The following EPS15L1 variants were observed in gnomAD, a reference collection of about 807,000 sequenced individuals.
EPS15L1 encodes the protein epidermal growth factor receptor pathway substrate 15 like 1.
EPS15L1 carries 43 observed loss-of-function variants against 117.1 expected under a neutral mutation model. The ratio of observed to expected loss-of-function variants is 0.37; its 90% CI spans 0.29 to 0.47. The LOEUF (loss-of-function observed/expected upper bound fraction) is 0.47. Among genes scored for constraint, EPS15L1 ranks in the 20% least tolerant of loss-of-function variants. The probability of loss-of-function intolerance (pLI) is 0.99; values close to 1 mark genes in which losing one functional copy is unlikely to be tolerated. For missense variants in EPS15L1, 981 were observed against 1,164.0 expected, an observed-to-expected ratio of 0.84 and a Z score of 2.29; for synonymous variants, 459 against 470.5, an observed-to-expected ratio of 0.98 and a Z score of 0.32.
intron 1 of EPS15L1, among the ~76,000 whole-genome samples, chr19:16,469,962 T>G (rs532656993): frequency 6.6e-6 from 1 of 152,296 alleles, no homozygotes; most frequent in Admixed American, 6.5e-5. Flanking sequence ...GGGCCAACAG[T>G]AACCCATGGT....
chr19:16,385,114 G>T lies in EPS15L1; in HGVS notation c.2247+15C>A. On this transcript the variant is annotated intron_variant, in intron 21 of 23. Coordinates refer to ENST00000455140, the MANE Select transcript of EPS15L1 (RefSeq NM_001258374.3). ...ACACTAGCAGAGGCGCGGGGGCTCC[G>T]TGGAGGGGCTTTACCTTGGACATCT... 1 of 1,611,268 alleles carries T rather than the reference G, an allele frequency of 6.2e-7. No homozygotes were observed.
intron 1 of EPS15L1, among the ~76,000 whole-genome samples, chr19:16,446,082 G>C (rs955667191): frequency 6.6e-5 from 10 of 152,222 alleles, no homozygotes; most frequent in Non-Finnish European, 1.3e-4. Flanking sequence ...TTACAAGTGG[G>C]ATGACAGAGA....
At chr19:16,413,041 C>T (rs944971445) in intron 13 of EPS15L1, 6 of 732,486 alleles carry the variant, frequency 8.2e-6, no homozygotes, top group Admixed American at 4.0e-5. Context: ...CAGAAACAGA[C>T]CCGCGCCGGC....
chr19:16,471,544 C>A lies in EPS15L1; in HGVS notation c.33+369G>T, dbSNP rs1480898071. Reference sequence around the variant, plus strand: ...CGCCGGGACCGGAGGGAGACAAAGACTCGCTGGGCCGCCGCGCCGACAGAA... The same window carrying A: ...CGCCGGGACCGGAGGGAGACAAAGAATCGCTGGGCCGCCGCGCCGACAGAA... On this transcript the variant is annotated intron_variant, in intron 1 of 23. Coordinates refer to ENST00000455140, the MANE Select transcript of EPS15L1 (RefSeq NM_001258374.3). The surrounding 1 kb of genome is among the most constrained non-coding windows in gnomAD (Gnocchi z 4.8). Among the ~76,000 whole-genome samples, 1 of 152,128 alleles carries A rather than the reference C, an allele frequency of 6.6e-6. No homozygotes were observed. The highest frequency in any genetic ancestry group is 1.5e-5 in the Non-Finnish European group (1 of 68,006).
intron 23 of EPS15L1, among the ~76,000 whole-genome samples, chr19:16,359,985 G>A (rs1311391800): frequency 2.6e-5 from 4 of 151,502 alleles, no homozygotes; most frequent in Non-Finnish European, 4.4e-5. Context: ...AATGGCTGGC[G>A]CTATTTTAAA....
chr19:16,396,999 G>A (rs933116355), intron 16 of EPS15L1, among the ~76,000 whole-genome samples: 4 of 152,154 alleles, frequency 2.6e-5, no homozygotes, highest in African/African-American at 9.7e-5. Flanking sequence ...TTCTAGAGCT[G>A]GGTTCCACAA....
intron 3 of EPS15L1, chr19:16,441,388 C>T (rs896833569): frequency 9.2e-5 from 18 of 195,838 alleles, no homozygotes; most frequent in African/African-American, 4.0e-4. Flanking sequence ...AGGAGAATGG[C>T]GTGAACCCAG....
chr19:16,395,347 T>C lies in EPS15L1; in HGVS notation c.1912A>G (p.Lys638Glu). 6.2e-7 allele frequency: 1 copy of C among 1,613,536 alleles called. No homozygotes were observed. Among genetic ancestry groups the C allele is most frequent in the Non-Finnish European group, 8.5e-7 (1 of 1,179,712 alleles). The change falls in exon 17 of 24, where the codon AAA becomes GAA. Residue 638 changes from lysine to glutamate, a missense_variant. Physicochemically the swap from Lys to Glu is moderately conservative, Grantham distance 56 (BLOSUM62 1). This residue lies in a region of EPS15L1 where 819 missense variants were observed against 949.0 expected (regional missense o/e 0.86). Coordinates refer to ENST00000455140, the MANE Select transcript of EPS15L1 (RefSeq NM_001258374.3). ...AAGTGGGTAGCAAGTGAGATACCTT[T>C]GAAGGGGTCAGCTCCTTTAAATGGG... ...SDPFKGADPF[K>E]GDPFQNDPFA...
At chr19:16,421,858 C>A (rs976022562) in intron 9 of EPS15L1, among the ~76,000 whole-genome samples, 1 of 152,182 alleles carries the variant, frequency 6.6e-6, no homozygotes, top group Admixed American at 6.5e-5. Context: ...AGAACCGGCC[C>A]GGCCACATGC....
rs967870866 is a variant in EPS15L1, at chr19:16,392,210, C to G, written c.2103+94G>C. 4.6e-5 allele frequency: 65 copies of G among 1,417,570 alleles called. 1 individual carries two copies. The South Asian group carries it at 7.2e-4, about 16-fold the overall frequency. 87.8% of individuals were successfully genotyped at this position (1,417,570 alleles called of 1,614,324 possible). ...GGCCCACACTCGCAGGCACCATGTACGCTCCACGAAGGGAAGGGGGCCTTC... is the reference window on the plus strand; with the variant it reads ...GGCCCACACTCGCAGGCACCATGTAGGCTCCACGAAGGGAAGGGGGCCTTC... On this transcript the variant is annotated intron_variant, in intron 19 of 23. Coordinates refer to ENST00000455140, the MANE Select transcript of EPS15L1 (RefSeq NM_001258374.3).
At chr19:16,425,007 G>T in intron 9 of EPS15L1, 76 bp downstream of exon 9, 2 of 1,233,468 alleles carry the variant, frequency 1.6e-6, no homozygotes, top group Non-Finnish European at 2.4e-6. Flanking sequence ...ACCGTTCTGG[G>T]GTTGCATGTT....
intron 19 of EPS15L1, among the ~76,000 whole-genome samples, chr19:16,391,091 T>C (rs1219125899): frequency 6.6e-6 from 1 of 152,156 alleles, no homozygotes; most frequent in Non-Finnish European, 1.5e-5. Context: ...AACTGTAAAT[T>C]GAACCATCGT....
intron 12 of EPS15L1, 52 bp downstream of exon 12, chr19:16,417,500 G>A (rs2144920988): frequency 1.4e-6 from 2 of 1,446,044 alleles, no homozygotes; most frequent in East Asian, 4.6e-5. Context: ...TAACAACCTG[G>A]GAGAGTTCGT....
At chr19:16,450,880 T>C in intron 1 of EPS15L1, among the ~76,000 whole-genome samples, 1 of 152,142 alleles carries the variant, frequency 6.6e-6, no homozygotes, top group East Asian at 1.9e-4. Context: ...GCCATCATCA[T>C]CAATATCCCA....
rs1599589189 is a variant in EPS15L1 at position 16,404,124 on chromosome 19, T to G, written c.1429-194A>C. ...ATAGAGACACAAATGAAAAGGCAGA[T>G]GGGCTCATCCCACTGTGGCTAACGG... On this transcript the variant is annotated intron_variant, in intron 14 of 23. Coordinates refer to ENST00000455140, the MANE Select transcript of EPS15L1 (RefSeq NM_001258374.3). This position sits in a 1 kb window ranked among gnomAD's most constrained non-coding sequence, Gnocchi z 4.2. Among the ~76,000 whole-genome samples the G allele has an allele frequency of 1.3e-5, 2 of 152,140 alleles. No homozygotes were observed. Among genetic ancestry groups the G allele is most frequent in the East Asian group, 3.9e-4 (2 of 5,192 alleles).
chr19:16,448,516 C>A lies in EPS15L1; in HGVS notation c.34-6297G>T, dbSNP rs1383624882. Among the ~76,000 whole-genome samples the A allele has an allele frequency of 9.5e-5, 12 of 126,318 alleles. No homozygotes were observed. The South Asian group carries it at 1.3e-3, about 14-fold the overall frequency. The allele number at this position is 126,318 out of a possible 152,430, so 82.9% of individuals were successfully genotyped here. A position where few individuals can be genotyped will look rare whatever the true frequency, so the allele number is the denominator to read the frequency against. On this transcript the variant is annotated intron_variant, in intron 1 of 23. Coordinates refer to ENST00000455140, the MANE Select transcript of EPS15L1 (RefSeq NM_001258374.3). ...TTGCACCATTGCACTCCAGCCTGGG[C>A]AATAAGAGCAAAATTCCGTATTAAA...
intron 21 of EPS15L1, among the ~76,000 whole-genome samples, chr19:16,382,207 GGCACTGCCTCC>G (rs1353626714): frequency 6.6e-6 from 1 of 152,204 alleles, no homozygotes; most frequent in Non-Finnish European, 1.5e-5. Context: ...ATAAACGCCT[GGCACTGCCTCC>G]GCAGTGAATC....
intron 16 of EPS15L1, 177 bp downstream of exon 16, chr19:16,402,144 C>A: frequency 7.3e-7 from 1 of 1,370,636 alleles, no homozygotes; most frequent in South Asian, 1.8e-5. Flanking sequence ...GCATGGCCAC[C>A]TGTGCCAGGC....
At chr19:16,446,758 C>T (rs2093086987) in intron 1 of EPS15L1, among the ~76,000 whole-genome samples, 1 of 152,258 alleles carries the variant, frequency 6.6e-6, no homozygotes, top group East Asian at 1.9e-4. Flanking sequence ...GGAAAATGCA[C>T]GTCCGTGATG....
Sources: gnomAD v4.1 joint callset for allele counts (sites outside exome capture counted in the v4.1 genomes callset) on GRCh38, gnomAD v4.1.1 for gene constraint, gnomAD v4.1.1 regional missense constraint, Gnocchi (gnomAD v3.1) non-coding constraint, MANE v1.5 for transcripts, NCBI Gene and HGNC (gene_info 2026-07-23, HGNC 2026-07-21) for gene names.